Variants in STRA8 observed in about 807,000 individuals in gnomAD.
STRA8 encodes stimulated by retinoic acid gene 8 protein homolog.
A neutral mutation model predicts 37.1 loss-of-function variants in STRA8; 18 were observed. That is an observed-to-expected ratio of 0.48 (90% CI 0.34 to 0.72). STRA8 has a LOEUF of 0.72. STRA8 is among the 30% of genes least tolerant of loss of function. The pLI is 0.01. For missense variants in STRA8, 357 were observed against 410.4 expected, an observed-to-expected ratio of 0.87 and a Z score of 1.13; for synonymous variants, 168 against 162.9, an observed-to-expected ratio of 1.03 and a Z score of -0.24.
upstream of STRA8, among the ~76,000 whole-genome samples, chr7:135,233,814 A>C (rs1300055342): frequency 2.0e-5 from 3 of 152,034 alleles, no homozygotes; most frequent in Non-Finnish European, 4.4e-5. Flanking sequence ...CTGTTTTCTG[A>C]CCCAGACAGG....
At chr7:135,245,924 C>T (rs1453032827) in intron 5 of STRA8, among the ~76,000 whole-genome samples, 1 of 152,168 alleles carries the variant, frequency 6.6e-6, no homozygotes, top group African/African-American at 2.4e-5. Flanking sequence ...ATGGCTGGCT[C>T]AGACGTCCCT....
intron 7 of STRA8, among the ~76,000 whole-genome samples, chr7:135,254,907 C>G (rs1253440250): frequency 1.3e-5 from 2 of 152,218 alleles, no homozygotes; most frequent in African/African-American, 2.4e-5. Context: ...AGGAGCCAGT[C>G]TCACCACAGT....
chr7:135,251,772 A>G lies in STRA8; in HGVS notation c.880-24A>G, dbSNP rs746387803. 5 of 1,611,682 alleles carry G rather than the reference A, an allele frequency of 3.1e-6. No homozygotes were observed. The South Asian group carries it at 4.4e-5, about 14-fold the overall frequency. On this transcript the variant is annotated intron_variant, in intron 6 of 8. Coordinates refer to ENST00000662584, the MANE Select transcript of STRA8 (RefSeq NM_001394401.1). ...GAAATTGTCAAGTTATTTCCAACAC[A>G]TGAAGTGTTGTGCTTTCTTTCAGAT...
Position 135,256,734 on chromosome 7 carries a change from G to A in STRA8, c.1065+1509G>A, listed in dbSNP as rs561084706. Among the ~76,000 whole-genome samples the A allele has an allele frequency of 6.5e-4, 99 of 152,308 alleles. 1 individual carries two copies. The highest frequency in any genetic ancestry group is 5.8e-3 in the Admixed American group (88 of 15,302). On this transcript the variant is annotated intron_variant, in intron 8 of 8. Coordinates refer to ENST00000662584, the MANE Select transcript of STRA8 (RefSeq NM_001394401.1). Reference sequence around the variant, plus strand: ...TTGGGAGGATTGTTTGAGCCTACAAGGCAGAGGTTACAGTGAGCTGAGATC... The same window carrying A: ...TTGGGAGGATTGTTTGAGCCTACAAAGCAGAGGTTACAGTGAGCTGAGATC...
chr7:135,246,283 CTG>C lies in STRA8; in HGVS notation c.594-133_594-132del. The C allele has an allele frequency of 8.4e-7, 1 of 1,197,234 alleles. No individual in the cohort carries two copies. Among genetic ancestry groups the C allele is most frequent in the Non-Finnish European group, 1.2e-6 (1 of 836,966 alleles). The allele number at this position is 1,197,234 out of a possible 1,614,324, so 74.2% of individuals were successfully genotyped here. ...TCCAAGGGCCAGGGGCGTGCAGAGTCTGAGAAGTCTCAGCCCTGGTGAGCCGT... is the reference window on the plus strand; with the variant it reads ...TCCAAGGGCCAGGGGCGTGCAGAGTCAGAAGTCTCAGCCCTGGTGAGCCGT... On this transcript the variant is annotated intron_variant, in intron 5 of 8. Coordinates refer to ENST00000662584, the MANE Select transcript of STRA8 (RefSeq NM_001394401.1). This position sits in a 1 kb window ranked among gnomAD's most constrained non-coding sequence, Gnocchi z 5.4.
At chr7:135,245,859 C>G (rs1451863066) in intron 5 of STRA8, among the ~76,000 whole-genome samples, 2 of 152,098 alleles carry the variant, frequency 1.3e-5, no homozygotes, top group African/African-American at 4.8e-5. Flanking sequence ...CCTCTCTCCC[C>G]CAAAACACAT....
upstream of STRA8, among the ~76,000 whole-genome samples, chr7:135,232,392 C>T (rs1170875543): frequency 2.6e-5 from 4 of 151,894 alleles, no homozygotes; most frequent in East Asian, 1.9e-4. Context: ...TCAAGGGCTG[C>T]GTGACAGCCA....
intron 1 of STRA8, among the ~76,000 whole-genome samples, chr7:135,240,039 C>A (rs1832436424): frequency 6.6e-6 from 1 of 152,022 alleles, no homozygotes; most frequent in African/African-American, 2.4e-5. Flanking sequence ...ACAGTGGGGA[C>A]AAGTACCTGT....
In STRA8 at chr7:135,246,774, G is replaced by C; in HGVS notation, c.879+72G>C. ...CTCGCCCTCGCCTGGGGACACCAGG[G>C]CTTTGCATTTAGCAGGTTGGAGGTG... On this transcript the variant is annotated intron_variant, in intron 6 of 8. Coordinates refer to ENST00000662584, the MANE Select transcript of STRA8 (RefSeq NM_001394401.1). This position sits in a 1 kb window ranked among gnomAD's most constrained non-coding sequence, Gnocchi z 5.4. 2 of 1,424,328 alleles carry C rather than the reference G, an allele frequency of 1.4e-6. No individual in the cohort carries two copies. Among genetic ancestry groups the C allele is most frequent in the East Asian group, 2.5e-5 (1 of 39,352 alleles). 88.2% of individuals were successfully genotyped at this position (1,424,328 alleles called of 1,614,324 possible).
At chr7:135,235,443 C>CTT (rs35888510) in intron 1 of STRA8, among the ~76,000 whole-genome samples, 79 of 135,724 alleles carry the variant, frequency 5.8e-4, no homozygotes, top group Middle Eastern at 3.9e-3. Flanking sequence ...ATGAGCATGA[C>CTT]TTTTTTTTTT....
chr7:135,236,238 T>C (rs934217193), intron 1 of STRA8, among the ~76,000 whole-genome samples: 1 of 150,938 alleles, frequency 6.6e-6, no homozygotes. Flanking sequence ...CTGGGCAACA[T>C]AGTGAGACCC....
At chr7:135,237,946 A>C (rs1182715325) in intron 1 of STRA8, among the ~76,000 whole-genome samples, 1 of 152,182 alleles carries the variant, frequency 6.6e-6, no homozygotes, top group African/African-American at 2.4e-5. Context: ...GATCTACCTA[A>C]GACCCTGTCA....
upstream of STRA8, among the ~76,000 whole-genome samples, chr7:135,233,121 C>A (rs189850217): frequency 2.0e-5 from 3 of 152,128 alleles, no homozygotes; most frequent in Non-Finnish European, 2.9e-5. Context: ...GAAGCCTAAA[C>A]GAGAGTACAT....
intron 1 of STRA8, 77 bp from the exon 2 acceptor site, chr7:135,240,442 C>G (rs1832443960): frequency 6.8e-7 from 1 of 1,467,088 alleles, no homozygotes. Context: ...CTGCCTGCCT[C>G]AATTTGCCTT....
rs898471879 is a variant in STRA8, at chr7:135,233,845, C to A, written c.-65C>A. ...ACAGGAACCGCGATCCCCACTCCGG[C>A]GCACGAAGCCGGGTGACTGCTGTCC... is the stretch of plus-strand genomic sequence containing the variant. On this transcript the variant is annotated 5_prime_UTR_variant, in exon 1 of 9. Coordinates refer to ENST00000662584, the MANE Select transcript of STRA8 (RefSeq NM_001394401.1). 8.5e-5 allele frequency among the ~76,000 whole-genome samples: 13 copies of A among 152,178 alleles called. No individual in the cohort carries two copies. Among genetic ancestry groups the A allele is most frequent in the African/African-American group, 3.1e-4 (13 of 41,450 alleles).
Position 135,246,816 on chromosome 7 carries a change from T to G in STRA8, c.879+114T>G. 8.9e-7 allele frequency: 1 copy of G among 1,117,630 alleles called. No homozygotes were observed. The highest frequency in any genetic ancestry group is 1.2e-6 in the Non-Finnish European group (1 of 823,262). The allele number at this position is 1,117,630 out of a possible 1,614,324, so 69.2% of individuals were successfully genotyped here. A position where few individuals can be genotyped will look rare whatever the true frequency, so the allele number is the denominator to read the frequency against. ...TTGGAGGTGCAGTTTGCCTTCTGGC[T>G]CCCAAGGTCGGTTTCTGATTTTCTT... is the stretch of plus-strand genomic sequence containing the variant. On this transcript the variant is annotated intron_variant, in intron 6 of 8. Transcript: ENST00000662584. This position sits in a 1 kb window ranked among gnomAD's most constrained non-coding sequence, Gnocchi z 5.4.
chr7:135,235,487 G>A (rs1027204836), intron 1 of STRA8, among the ~76,000 whole-genome samples: 1 of 148,478 alleles, frequency 6.7e-6, no homozygotes, highest in African/African-American at 2.5e-5. Flanking sequence ...TGTGGCCCAG[G>A]TTGGAGTCCA....
intron 8 of STRA8, among the ~76,000 whole-genome samples, chr7:135,255,730 T>C (rs932797319): frequency 3.9e-5 from 6 of 152,128 alleles, no homozygotes; most frequent in Admixed American, 3.9e-4. Flanking sequence ...GCCCCCCAGG[T>C]CTGTGGGAAA....
At chr7:135,248,283 G>GTGA (rs1379321807) in intron 6 of STRA8, among the ~76,000 whole-genome samples, 2 of 152,238 alleles carry the variant, frequency 1.3e-5, no homozygotes, top group African/African-American at 4.8e-5. Context: ...TCCTGCTTCA[G>GTGA]TGACTGTGTC....
Sources: gnomAD v4.1 joint callset for allele counts (sites outside exome capture counted in the v4.1 genomes callset) on GRCh38, gnomAD v4.1.1 for gene constraint, Gnocchi (gnomAD v3.1) non-coding constraint, MANE v1.5 for transcripts, NCBI Gene and HGNC (gene_info 2026-07-23, HGNC 2026-07-21) for gene names.